The following CDKL4 variants were observed in gnomAD, a reference collection of about 807,000 sequenced individuals.
CDKL4 encodes cyclin dependent kinase like 4, also known as cyclin-dependent kinase-like 4.
A neutral mutation model predicts 42.0 loss-of-function variants in CDKL4; 44 were observed. The ratio of observed to expected loss-of-function variants is 1.05; its 90% CI spans 0.82 to 1.35. The LOEUF (loss-of-function observed/expected upper bound fraction) is 1.35, where lower values mean the gene tolerates loss of function less well. CDKL4 is among the 40% of genes most tolerant of loss of function. The pLI is 0.00. For synonymous variants in CDKL4, 120 were observed against 121.6 expected (o/e 0.99, Z 0.09); for missense variants, 393 against 369.9 (o/e 1.06, Z -0.51).
chr2:39,224,613 C>G (rs1052465767), intron 3 of CDKL4, among the ~76,000 whole-genome samples: 5 of 150,802 alleles, frequency 3.3e-5, no homozygotes, highest in African/African-American at 1.2e-4. Context: ...AAGCAATCAT[C>G]GTGCCTCAGC....
chr2:39,171,090 T>A (rs1448290426), downstream of CDKL4, among the ~76,000 whole-genome samples: 1 of 151,942 alleles, frequency 6.6e-6, no homozygotes. Context: ...AACACAAAGA[T>A]TAGCTGGGCG....
chr2:39,228,404 T>C (rs539056569), intron 2 of CDKL4, among the ~76,000 whole-genome samples: 3 of 152,268 alleles, frequency 2.0e-5, no homozygotes, highest in Admixed American at 6.5e-5. Flanking sequence ...CTGTGGGAAA[T>C]AATATTTGAA....
At chr2:39,201,651 AAAT>A (rs1230259421) in intron 5 of CDKL4, among the ~76,000 whole-genome samples, 1 of 152,210 alleles carries the variant, frequency 6.6e-6, no homozygotes, top group Non-Finnish European at 1.5e-5. Context: ...CAAAGGAACA[AAAT>A]AATGGCATTT....
chr2:39,220,960 T>G (rs935985793), intron 3 of CDKL4, among the ~76,000 whole-genome samples: 67 of 131,330 alleles, frequency 5.1e-4, no homozygotes, highest in African/African-American at 1.8e-3. Context: ...CAATCCGCAT[T>G]CACTACATCG....
intron 3 of CDKL4, among the ~76,000 whole-genome samples, chr2:39,224,132 GT>G (rs1480330197): frequency 6.6e-6 from 1 of 152,072 alleles, no homozygotes; most frequent in Non-Finnish European, 1.5e-5. Context: ...CTGGCAAATA[GT>G]TTACCCAATA....
chr2:39,185,191 C>T (rs1490542452), intron 7 of CDKL4, among the ~76,000 whole-genome samples: 1 of 76,340 alleles, frequency 1.3e-5, no homozygotes, highest in African/African-American at 5.4e-5. Flanking sequence ...TGTGTATATA[C>T]ATATATATAC....
chr2:39,181,896 C>T (rs543172378), intron 8 of CDKL4, among the ~76,000 whole-genome samples: 65 of 152,338 alleles, frequency 4.3e-4, no homozygotes, highest in Admixed American at 3.8e-3. Context: ...CCCTTGCCAC[C>T]TCTTCTACTT....
At chr2:39,173,198 A>G (rs985026455), downstream of CDKL4, among the ~76,000 whole-genome samples, 40 of 152,200 alleles carry the variant, frequency 2.6e-4, no homozygotes, top group African/African-American at 9.6e-4. Flanking sequence ...GCATAAATAT[A>G]TTATCTATAT....
chr2:39,221,437 G>A (rs1294831915), intron 3 of CDKL4, among the ~76,000 whole-genome samples: 1 of 152,032 alleles, frequency 6.6e-6, no homozygotes, highest in East Asian at 1.9e-4. Flanking sequence ...CTATTCACTG[G>A]GCTTAGGCCT....
upstream of CDKL4, among the ~76,000 whole-genome samples, chr2:39,244,144 G>A (rs902766017): frequency 1.1e-4 from 17 of 152,232 alleles, no homozygotes; most frequent in Non-Finnish European, 2.5e-4. Context: ...CGGTCTCGAC[G>A]CCTCCTATGC....
In CDKL4 at chr2:39,204,523, T is replaced by G; in HGVS notation, c.454+4A>C. On this transcript the variant is annotated splice_donor_region_variant and intron_variant, in intron 5 of 9. Transcript: ENST00000451199. ...GGGTATTAGTAAAAAAAATTGCTAC[T>G]TACTCAGAATTTGTGCAAACCCGAA... 1.3e-6 allele frequency: 2 copies of G among 1,576,400 alleles called. No homozygotes were observed. Among genetic ancestry groups the G allele is most frequent in the East Asian group, 2.2e-5 (1 of 44,518 alleles).
chr2:39,184,192 T>C (rs1439759865), intron 8 of CDKL4, among the ~76,000 whole-genome samples: 1 of 152,246 alleles, frequency 6.6e-6, no homozygotes, highest in African/African-American at 2.4e-5. Context: ...CTCATACCCT[T>C]TGTCCAATGA....
chr2:39,233,046 A>AAAT (rs1679163535), intron 1 of CDKL4, among the ~76,000 whole-genome samples: 1 of 78,516 alleles, frequency 1.3e-5, no homozygotes, highest in Non-Finnish European at 2.7e-5. Flanking sequence ...CTCCATCTCA[A>AAAT]AAAAAAAAAA....
chr2:39,195,901 C>T (rs765306923), intron 5 of CDKL4, among the ~76,000 whole-genome samples: 22 of 152,262 alleles, frequency 1.4e-4, no homozygotes, highest in Non-Finnish European at 2.5e-4. Flanking sequence ...ATGACTCAGA[C>T]GGACAGAGCA....
At chr2:39,221,048 T>C (rs913444390) in intron 3 of CDKL4, among the ~76,000 whole-genome samples, 6 of 131,350 alleles carry the variant, frequency 4.6e-5, no homozygotes, top group African/African-American at 1.4e-4. Flanking sequence ...AGTCTCGCTC[T>C]TGTCGCCCAG....
At chr2:39,218,612 G>GGGCA (rs1031062546) in intron 3 of CDKL4, among the ~76,000 whole-genome samples, 4 of 152,314 alleles carry the variant, frequency 2.6e-5, no homozygotes, top group East Asian at 3.9e-4. Context: ...ACAAAGGTGA[G>GGGCA]GGCAGGCAGG....
downstream of CDKL4, among the ~76,000 whole-genome samples, chr2:39,174,270 G>T (rs538543617): frequency 1.3e-5 from 2 of 152,086 alleles, no homozygotes; most frequent in South Asian, 4.2e-4. Context: ...GCCAGGTGTG[G>T]TGGCACCCGC....
rs117951836 is a variant in CDKL4, at chr2:39,205,971, G to A, written c.364-1354C>T. 1.4e-3 allele frequency among the ~76,000 whole-genome samples: 207 copies of A among 152,146 alleles called. 3 individuals carry two copies. The East Asian group carries it at 0.021, about 15-fold the overall frequency. ...ACCTGGAACGATCAGCAACACTCCT[G>A]AGACGGCCCACGATGCTGTCAGAAT... On this transcript the variant is annotated intron_variant, in intron 4 of 9. Coordinates refer to ENST00000451199, the Ensembl canonical transcript of CDKL4.
At chr2:39,241,056 A>T (rs556571346) in intron 1 of CDKL4, among the ~76,000 whole-genome samples, 2 of 152,384 alleles carry the variant, frequency 1.3e-5, no homozygotes. Context: ...GGTGAACAAC[A>T]TGACCATAAA....
Sources: allele counts gnomAD v4.1 joint callset (sites outside exome capture counted in the v4.1 genomes callset), GRCh38; gene constraint gnomAD v4.1.1; transcripts MANE v1.5; gene names NCBI Gene and HGNC (gene_info 2026-07-23, HGNC 2026-07-21).